GRM5: variants seen among roughly 807,000 people sequenced by gnomAD.
GRM5 encodes the protein glutamate metabotropic receptor 5.
Under a neutral mutation model 83.1 loss-of-function variants are expected in GRM5, and 19 were observed. The ratio of observed to expected loss-of-function variants is 0.23; its 90% CI spans 0.16 to 0.34. The LOEUF is 0.34. Ranked by LOEUF, GRM5 falls within the 10% of genes least tolerant of loss-of-function variation. The pLI, the probability that GRM5 is intolerant of heterozygous loss-of-function variation, is 1.00. For missense variants in GRM5, 1,160 were observed against 1,588.3 expected (o/e 0.73, Z 4.58); for synonymous variants, 675 against 633.6 (o/e 1.07, Z -0.98).
intron 3 of GRM5, among the ~76,000 whole-genome samples, chr11:88,794,910 T>C (rs1166229177): frequency 6.6e-6 from 1 of 152,248 alleles, no homozygotes; most frequent in Non-Finnish European, 1.5e-5. Flanking sequence ...CTAAGATAGC[T>C]ATGGCTGTAA....
At chr11:88,659,133 C>A (rs1010944804) in intron 3 of GRM5, among the ~76,000 whole-genome samples, 1 of 152,068 alleles carries the variant, frequency 6.6e-6, no homozygotes, top group Non-Finnish European at 1.5e-5. Flanking sequence ...TAATGTAGAA[C>A]CTCCAAACTT....
chr11:88,512,736 A>C (rs1941412191), intron 9 of GRM5, among the ~76,000 whole-genome samples: 1 of 152,220 alleles, frequency 6.6e-6, no homozygotes, highest in African/African-American at 2.4e-5. Flanking sequence ...TTGAGATTAC[A>C]TGAGACAATG....
intron 3 of GRM5, among the ~76,000 whole-genome samples, chr11:88,781,432 A>G (rs1173091495): frequency 6.6e-6 from 1 of 152,118 alleles, no homozygotes; most frequent in Non-Finnish European, 1.5e-5. Flanking sequence ...TTGTTCAAAG[A>G]TATATTCAGG....
chr11:88,804,666 C>G (rs1943466927), intron 3 of GRM5, among the ~76,000 whole-genome samples: 1 of 151,664 alleles, frequency 6.6e-6, no homozygotes, highest in African/African-American at 2.4e-5. Flanking sequence ...TGCACATGTA[C>G]CCTAAAACTT....
intron 8 of GRM5, among the ~76,000 whole-genome samples, chr11:88,538,504 T>G (rs908227816): frequency 6.6e-6 from 1 of 152,216 alleles, no homozygotes; most frequent in Non-Finnish European, 1.5e-5. Flanking sequence ...ATTATGGCAT[T>G]AATTAAAAGT....
chr11:88,523,224 G>T (rs1000078750), intron 9 of GRM5, among the ~76,000 whole-genome samples: 1 of 152,148 alleles, frequency 6.6e-6, no homozygotes, highest in South Asian at 2.1e-4. Flanking sequence ...TCTTTGAGAT[G>T]ACCTAGGAAA....
chr11:88,864,399 G>A (rs1944623268), intron 2 of GRM5, among the ~76,000 whole-genome samples: 1 of 151,744 alleles, frequency 6.6e-6, no homozygotes, highest in Non-Finnish European at 1.5e-5. Flanking sequence ...ATGAACAAAG[G>A]TGTATTCTTA....
chr11:88,578,224 T>A (rs553028882), intron 7 of GRM5, among the ~76,000 whole-genome samples: 1 of 152,206 alleles, frequency 6.6e-6, no homozygotes, highest in African/African-American at 2.4e-5. Flanking sequence ...TGTGATTTTT[T>A]AAGAGGTGTC....
intron 2 of GRM5, among the ~76,000 whole-genome samples, chr11:88,982,970 G>C (rs1409114045): frequency 6.6e-6 from 1 of 152,186 alleles, no homozygotes; most frequent in African/African-American, 2.4e-5. Flanking sequence ...GGAAGCTGAA[G>C]CTGGAGAATT....
chr11:88,725,248 C>T (rs1365452717), intron 3 of GRM5, among the ~76,000 whole-genome samples: 1 of 152,158 alleles, frequency 6.6e-6, no homozygotes, highest in South Asian at 2.1e-4. Flanking sequence ...TTTCCCCTCA[C>T]AGTGTAAACA....
At chr11:88,861,926 T>C (rs1944570884) in intron 2 of GRM5, among the ~76,000 whole-genome samples, 1 of 152,192 alleles carries the variant, frequency 6.6e-6, no homozygotes, top group African/African-American at 2.4e-5. Context: ...AAGGGGTTAA[T>C]TACCCTCTTT....
intron 3 of GRM5, among the ~76,000 whole-genome samples, chr11:88,655,194 C>A (rs1480062347): frequency 6.6e-6 from 1 of 152,082 alleles, no homozygotes; most frequent in Non-Finnish European, 1.5e-5. Context: ...TTACTTCACA[C>A]ATTATCTTCC....
chr11:88,907,282 A>T (rs1945420132), intron 2 of GRM5, among the ~76,000 whole-genome samples: 1 of 152,116 alleles, frequency 6.6e-6, no homozygotes, highest in Admixed American at 6.6e-5. Flanking sequence ...GCCTTCCAAC[A>T]GCTGGGAGGC....
intron 3 of GRM5, among the ~76,000 whole-genome samples, chr11:88,705,955 C>T (rs557094094): frequency 3.3e-5 from 5 of 152,114 alleles, no homozygotes; most frequent in Admixed American, 1.3e-4. Flanking sequence ...TATTAATTTA[C>T]TGAAGCCTCA....
rs143347151 is a variant in GRM5 at position 88,735,296 on chromosome 11, T to C, written c.912-81893A>G. ...TCTCTGGCACTTTGTGGTCAGTAAATTTTGTCTAAAAATGTAGCTTTGCCA... is the reference window on the plus strand; with the variant it reads ...TCTCTGGCACTTTGTGGTCAGTAAACTTTGTCTAAAAATGTAGCTTTGCCA... On this transcript the variant is annotated intron_variant, in intron 3 of 9. Transcript: ENST00000305447. 9.2e-5 allele frequency among the ~76,000 whole-genome samples: 14 copies of C among 152,156 alleles called. No individual in the cohort carries two copies. The East Asian group carries it at 2.7e-3, about 29-fold the overall frequency.
chr11:89,059,457 T>C (rs1305661869), intron 1 of GRM5, among the ~76,000 whole-genome samples: 2 of 152,132 alleles, frequency 1.3e-5, no homozygotes, highest in Non-Finnish European at 2.9e-5. Context: ...TTAGTAGAAT[T>C]CAAAAAAATT....
chr11:88,882,395 C>CA (rs11312148), intron 2 of GRM5, among the ~76,000 whole-genome samples: 103 of 136,888 alleles, frequency 7.5e-4, no homozygotes, highest in Non-Finnish European at 9.6e-4. Flanking sequence ...ACTAAAAATA[C>CA]AAAAAAAAAA....
chr11:88,782,186 T>C (rs1942987360), intron 3 of GRM5, among the ~76,000 whole-genome samples: 1 of 151,898 alleles, frequency 6.6e-6, no homozygotes, highest in South Asian at 2.1e-4. Flanking sequence ...GTAGCAGTGA[T>C]AATAATAACA....
intron 2 of GRM5, among the ~76,000 whole-genome samples, chr11:89,017,415 C>A (rs1188189240): frequency 1.3e-5 from 2 of 152,164 alleles, no homozygotes; most frequent in Admixed American, 6.5e-5. Flanking sequence ...AAATTGAAAG[C>A]TGGCCTTCAG....
Sources: gnomAD v4.1 joint callset for allele counts (sites outside exome capture counted in the v4.1 genomes callset) on GRCh38, gnomAD v4.1.1 for gene constraint, MANE v1.5 for transcripts, NCBI Gene and HGNC (gene_info 2026-07-23, HGNC 2026-07-21) for gene names.